RBL1: variants seen among roughly 807,000 people sequenced by gnomAD.
RBL1 encodes retinoblastoma-like protein 1.
Under a neutral mutation model 123.0 loss-of-function variants are expected in RBL1, and 82 were observed. The observed-to-expected ratio is 0.67, with a 90% confidence interval of 0.56 to 0.80. The LOEUF (loss-of-function observed/expected upper bound fraction) is 0.80, where lower values mean the gene tolerates loss of function less well. Ranked by LOEUF, RBL1 falls within the 30% of genes least tolerant of loss-of-function variation. RBL1 has a pLI of 0.00. For missense variants in RBL1, 1,171 were observed against 1,299.6 expected (o/e 0.90, Z 1.52); for synonymous variants, 405 against 441.3 (o/e 0.92, Z 1.03).
chr20:37,066,725 T>C lies in RBL1; in HGVS notation c.845A>G (p.Lys282Arg). 6.2e-7 allele frequency: 1 copy of C among 1,610,686 alleles called. No individual in the cohort carries two copies. The change falls in exon 6 of 22, where the codon AAG becomes AGG. Residue 282 changes from lysine (K) to arginine (R), a missense_variant and splice_region_variant. Physicochemically the swap from Lys to Arg is conservative, Grantham distance 26. Transcript: ENST00000373664. ...KPYISKLFDRKILKGECLLDL... is the reference protein window; with the variant it reads ...KPYISKLFDRRILKGECLLDL... ...GTCATCTAATTATAAGTACAGTACCTTCCTGTCAAAGAGTTTTGAAATATA... is the reference window on the plus strand; with the variant it reads ...GTCATCTAATTATAAGTACAGTACCCTCCTGTCAAAGAGTTTTGAAATATA...
chr20:37,095,096 C>A (rs2065710395), intron 1 of RBL1, among the ~76,000 whole-genome samples: 1 of 152,180 alleles, frequency 6.6e-6, no homozygotes, highest in African/African-American at 2.4e-5. Flanking sequence ...GTAATTATAA[C>A]TGACATTTGT....
At chr20:37,031,391 G>A (rs749116533) in intron 16 of RBL1, among the ~76,000 whole-genome samples, 6 of 151,910 alleles carry the variant, frequency 3.9e-5, no homozygotes, top group Non-Finnish European at 8.8e-5. Context: ...CAAAAGACTC[G>A]AATAGACATT....
At chr20:37,067,880 G>T in intron 3 of RBL1, 106 bp downstream of exon 3, 1 of 1,256,396 alleles carries the variant, frequency 8.0e-7, no homozygotes, top group Non-Finnish European at 1.1e-6. Context: ...AAATAATTAA[G>T]TTCTTTGCAG....
chr20:37,060,173 A>AAAAT (rs11473427), intron 9 of RBL1, among the ~76,000 whole-genome samples: 18,229 of 146,310 alleles, frequency 0.12, 1,542 homozygotes, highest in East Asian at 0.45. Flanking sequence ...ACTCTGTCTC[A>AAAAT]AAATAAATAA....
At chr20:37,071,115 G>C (rs2065275474) in intron 2 of RBL1, among the ~76,000 whole-genome samples, 2 of 152,022 alleles carry the variant, frequency 1.3e-5, no homozygotes, top group Admixed American at 6.6e-5. Context: ...GGATGGTCTT[G>C]AACTCCTGAC....
intron 21 of RBL1, among the ~76,000 whole-genome samples, chr20:37,002,431 C>T (rs2064003996): frequency 6.8e-6 from 1 of 146,442 alleles, no homozygotes; most frequent in Non-Finnish European, 1.5e-5. Context: ...GCAACCTCTG[C>T]CTCCTGGGTT....
At position 37,055,612 on chromosome 20, in the gene RBL1, T is replaced by C. The variant is rs570797631; in HGVS notation, c.1408A>G (p.Lys470Glu). The change falls in exon 11 of 22, where the codon AAA (lysine) becomes GAA (glutamate). Residue 470 changes from lysine to glutamate, a missense_variant. By Grantham distance (56) the Lys-to-Glu change is moderately conservative. Transcript: ENST00000373664. ...RLKLAEILYY[K>E]ILETVMVQET... ...TGAACCATTACAGTCTCTAGTATTT[T>C]ATAATACAAAATTTCTGCCAGCTTT... 3 of 1,613,770 alleles carry C rather than the reference T, an allele frequency of 1.9e-6. No individual in the cohort carries two copies. The highest frequency in any genetic ancestry group is 1.7e-5 in the Admixed American group (1 of 59,920).
intron 2 of RBL1, among the ~76,000 whole-genome samples, chr20:37,068,485 T>A (rs1260061918): frequency 2.0e-5 from 3 of 151,690 alleles, no homozygotes; most frequent in Non-Finnish European, 4.4e-5. Context: ...GACACTGTCT[T>A]ACATGAACAA....
chr20:37,034,468 C>T (rs953938994), intron 15 of RBL1, among the ~76,000 whole-genome samples: 2 of 151,540 alleles, frequency 1.3e-5, no homozygotes, highest in African/African-American at 4.9e-5. Context: ...CAGATAAGAA[C>T]ATTTTAAAAG....
chr20:37,092,315 A>G (rs558251010), intron 1 of RBL1, among the ~76,000 whole-genome samples: 14 of 152,286 alleles, frequency 9.2e-5, no homozygotes, highest in African/African-American at 3.4e-4. Context: ...CGATTTTTTT[A>G]AAGACATTAA....
intron 13 of RBL1, among the ~76,000 whole-genome samples, chr20:37,041,149 T>C (rs1231387549): frequency 2.0e-5 from 3 of 151,854 alleles, no homozygotes; most frequent in Admixed American, 6.6e-5. Flanking sequence ...TAGGGAAAAA[T>C]TCAAGAAGAT....
rs1482096686 is a variant in RBL1, at chr20:37,007,435, G to A, written c.2847C>T (p.Tyr949=). ...CCATATGGTCCTGATTCGCCAAGTC[G>A]TATTTCAGTGCAAATGACTTCACTC... ...VGRVKSFALK[Y]DLANQDHMMD... is the part of the protein sequence containing the mutation. Residue 949 remains tyrosine, a synonymous_variant, in exon 20 of 22, where the codon TAC becomes TAT. Transcript: ENST00000373664. 3.1e-6 allele frequency: 5 copies of A among 1,613,498 alleles called. No individual in the cohort carries two copies. The highest frequency in any genetic ancestry group is 2.2e-5 in the South Asian group (2 of 90,980).
chr20:37,001,918 TA>T (rs757774894), intron 21 of RBL1, among the ~76,000 whole-genome samples: 28,199 of 87,906 alleles, frequency 0.32, 1,998 homozygotes, highest in African/African-American at 0.44. Flanking sequence ...TGCAGAACAA[TA>T]AAAAAAAAAA....
intron 19 of RBL1, among the ~76,000 whole-genome samples, chr20:37,012,656 G>A (rs1222661482): frequency 9.6e-5 from 14 of 146,038 alleles, no homozygotes; most frequent in African/African-American, 1.1e-4. Flanking sequence ...AGTGAGGAGC[G>A]TCTCCGCCCG....
At chr20:37,047,252 T>A in intron 11 of RBL1, 62 bp from the exon 12 acceptor site, 1 of 1,526,176 alleles carries the variant, frequency 6.6e-7, no homozygotes, top group Non-Finnish European at 8.7e-7. Flanking sequence ...TGCCATTCCA[T>A]AAAGAAACCT....
chr20:37,065,528 C>A, intron 6 of RBL1, 55 bp from the exon 7 acceptor site: 1 of 1,150,596 alleles, frequency 8.7e-7, no homozygotes, highest in Non-Finnish European at 1.3e-6. Context: ...TTAATACACA[C>A]ACAAACGTGA....
rs569581867 is a variant in RBL1, at chr20:37,036,711, C to T, written c.1904-1203G>A. ...TATGATCTCAGCTCACTGCAAGCTCCGCCTCCCAGGTTCACGCCATTCTCC... is the reference window on the plus strand; with the variant it reads ...TATGATCTCAGCTCACTGCAAGCTCTGCCTCCCAGGTTCACGCCATTCTCC... On this transcript the variant is annotated intron_variant, in intron 14 of 21. Transcript: ENST00000373664. 7.4e-5 allele frequency among the ~76,000 whole-genome samples: 11 copies of T among 148,436 alleles called. 1 individual carries two copies. The East Asian group carries it at 1.0e-3, about 14-fold the overall frequency.
At chr20:37,062,409 C>CA in intron 7 of RBL1, 139 bp from the exon 8 acceptor site, 1 of 1,399,094 alleles carries the variant, frequency 7.1e-7, no homozygotes, top group South Asian at 1.6e-5. Flanking sequence ...CTAACAATAT[C>CA]AGAGGGTCCT....
intron 2 of RBL1, among the ~76,000 whole-genome samples, chr20:37,088,467 T>G (rs961600415): frequency 6.6e-6 from 1 of 152,094 alleles, no homozygotes; most frequent in East Asian, 1.9e-4. Flanking sequence ...TTAAAAAGTA[T>G]AGCTAAAGAT....
Sources: gnomAD v4.1 joint callset for allele counts (sites outside exome capture counted in the v4.1 genomes callset) on GRCh38, gnomAD v4.1.1 for gene constraint, MANE v1.5 for transcripts, NCBI Gene and HGNC (gene_info 2026-07-23, HGNC 2026-07-21) for gene names.